SCFD2: variants seen among roughly 807,000 people sequenced by gnomAD.
SCFD2 encodes sec1 family domain-containing protein 2.
In SCFD2, 54 loss-of-function variants were observed where a neutral mutation model predicts 58.9. That is an observed-to-expected ratio of 0.92 (90% CI 0.74 to 1.15). SCFD2 has a LOEUF of 1.15. Ranked by LOEUF, SCFD2 falls within the 50% of genes most tolerant of loss-of-function variation. The probability of loss-of-function intolerance (pLI) is 0.00; values close to 1 mark genes in which losing one functional copy is unlikely to be tolerated. For synonymous variants in SCFD2, 321 were observed against 335.9 expected (o/e 0.96, Z 0.49); for missense variants, 805 against 836.6 (o/e 0.96, Z 0.47).
intron 2 of SCFD2, among the ~76,000 whole-genome samples, chr4:53,348,747 C>T (rs1486847997): frequency 5.3e-5 from 8 of 150,346 alleles, no homozygotes; most frequent in Admixed American, 1.3e-4. Context: ...CAGGGTCTCA[C>T]TCTATTGCCC....
intron 5 of SCFD2, among the ~76,000 whole-genome samples, chr4:52,943,551 T>C (rs1321739325): frequency 6.6e-6 from 1 of 152,018 alleles, no homozygotes; most frequent in Non-Finnish European, 1.5e-5. Flanking sequence ...TGTGCCCATA[T>C]CCTAACTTTG....
intron 2 of SCFD2, among the ~76,000 whole-genome samples, chr4:53,350,706 G>C (rs1734191382): frequency 6.6e-6 from 1 of 152,108 alleles, no homozygotes; most frequent in Non-Finnish European, 1.5e-5. Flanking sequence ...TGGCTCAAAA[G>C]TCAAACTTTT....
At chr4:53,171,704 T>G (rs1727181993) in intron 4 of SCFD2, among the ~76,000 whole-genome samples, 1 of 152,124 alleles carries the variant, frequency 6.6e-6, no homozygotes, top group South Asian at 2.1e-4. Context: ...TTCAGATTTT[T>G]TATTTCTTCA....
intron 5 of SCFD2, among the ~76,000 whole-genome samples, chr4:53,030,604 T>C (rs1722592695): frequency 6.6e-6 from 1 of 152,112 alleles, no homozygotes; most frequent in Non-Finnish European, 1.5e-5. Context: ...GCATTTTTAG[T>C]AGAGACGGAG....
intron 1 of SCFD2, among the ~76,000 whole-genome samples, chr4:53,357,296 G>A (rs553540827): frequency 6.6e-6 from 1 of 152,016 alleles, no homozygotes; most frequent in South Asian, 2.1e-4. Flanking sequence ...AGGTATAGAG[G>A]TATGTGCCTA....
At chr4:52,985,560 A>G (rs900237335) in intron 5 of SCFD2, among the ~76,000 whole-genome samples, 1 of 151,962 alleles carries the variant, frequency 6.6e-6, no homozygotes, top group African/African-American at 2.4e-5. Flanking sequence ...ATATAGCAGC[A>G]TATTATAAAA....
chr4:53,069,697 T>C (rs911367934), intron 5 of SCFD2, among the ~76,000 whole-genome samples: 3 of 152,060 alleles, frequency 2.0e-5, no homozygotes, highest in Non-Finnish European at 4.4e-5. Flanking sequence ...CATGGTACTA[T>C]AAAAAATCTA....
At chr4:53,084,645 G>T (rs937659711) in intron 5 of SCFD2, among the ~76,000 whole-genome samples, 1 of 152,134 alleles carries the variant, frequency 6.6e-6, no homozygotes, top group Admixed American at 6.6e-5. Context: ...CTCTGCTGTG[G>T]CTCCAGCTGG....
chr4:53,308,943 A>G (rs1272202037), intron 3 of SCFD2, among the ~76,000 whole-genome samples: 1 of 152,062 alleles, frequency 6.6e-6, no homozygotes, highest in Non-Finnish European at 1.5e-5. Context: ...AGCCTGGCCA[A>G]CATGGTGAAA....
chr4:53,063,975 C>T (rs549348092), intron 5 of SCFD2, among the ~76,000 whole-genome samples: 1 of 151,842 alleles, frequency 6.6e-6, no homozygotes, highest in East Asian at 1.9e-4. Flanking sequence ...CTCCACCTTC[C>T]CTCCCTCTCT....
intron 4 of SCFD2, among the ~76,000 whole-genome samples, chr4:53,218,264 T>C (rs914871178): frequency 6.6e-6 from 1 of 152,226 alleles, no homozygotes; most frequent in African/African-American, 2.4e-5. Context: ...ATTCTCCTCG[T>C]CACTTTCAGG....
At chr4:52,951,319 G>C (rs1720587883) in intron 5 of SCFD2, among the ~76,000 whole-genome samples, 1 of 152,138 alleles carries the variant, frequency 6.6e-6, no homozygotes, top group Non-Finnish European at 1.5e-5. Flanking sequence ...GAAGCATAGA[G>C]AGGCAGAAAC....
At chr4:53,051,703 C>T (rs1250142055) in intron 5 of SCFD2, among the ~76,000 whole-genome samples, 1 of 152,180 alleles carries the variant, frequency 6.6e-6, no homozygotes, top group Admixed American at 6.5e-5. Flanking sequence ...GCGCTAACTG[C>T]ACTAGCAATG....
chr4:53,128,170 G>A (rs563080139), intron 5 of SCFD2, among the ~76,000 whole-genome samples: 136 of 151,616 alleles, frequency 9.0e-4, no homozygotes, highest in Middle Eastern at 3.4e-3. Context: ...AAGAAAAAAC[G>A]TAAAGATAAT....
At chr4:53,068,901 A>C (rs1723737930) in intron 5 of SCFD2, among the ~76,000 whole-genome samples, 1 of 152,098 alleles carries the variant, frequency 6.6e-6, no homozygotes, top group Admixed American at 6.6e-5. Flanking sequence ...ACGGATGTGC[A>C]CAGTCCAAGG....
intron 5 of SCFD2, among the ~76,000 whole-genome samples, chr4:53,051,813 T>C (rs1368117094): frequency 6.6e-6 from 1 of 152,146 alleles, no homozygotes; most frequent in Non-Finnish European, 1.5e-5. Flanking sequence ...TTCTACTGAG[T>C]ATTTCTCCTC....
At chr4:53,140,273 G>T (rs1726089466) in intron 5 of SCFD2, among the ~76,000 whole-genome samples, 1 of 150,262 alleles carries the variant, frequency 6.7e-6, no homozygotes, top group Admixed American at 6.6e-5. Flanking sequence ...ATGTAGAAAA[G>T]AATAATTATT....
chr4:53,062,088 T>C (rs1723530408), intron 5 of SCFD2, among the ~76,000 whole-genome samples: 1 of 151,708 alleles, frequency 6.6e-6, no homozygotes, highest in Non-Finnish European at 1.5e-5. Flanking sequence ...ATAGTAATAA[T>C]AGGCCGGGTG....
intron 6 of SCFD2, among the ~76,000 whole-genome samples, chr4:52,909,812 A>T (rs1209013692): frequency 3.9e-5 from 6 of 152,192 alleles, no homozygotes; most frequent in Admixed American, 3.9e-4. Flanking sequence ...CAAAATTAAG[A>T]GGTCTACTTC....
Sources: allele counts gnomAD v4.1 joint callset (sites outside exome capture counted in the v4.1 genomes callset), GRCh38; gene constraint gnomAD v4.1.1; transcripts MANE v1.5; gene names NCBI Gene and HGNC (gene_info 2026-07-23, HGNC 2026-07-21).